CNBD1: variants seen among roughly 807,000 people sequenced by gnomAD.
CNBD1 encodes the protein cyclic nucleotide binding domain containing 1, also known as cyclic nucleotide-binding domain-containing protein 1.
A neutral mutation model predicts 54.4 loss-of-function variants in CNBD1; 71 were observed. The ratio of observed to expected loss-of-function variants is 1.30; its 90% CI spans 1.08 to 1.59. The LOEUF is 1.59. Among genes scored for constraint, CNBD1 ranks in the 40% most tolerant of loss-of-function variants. The probability of loss-of-function intolerance (pLI) is 0.00; values close to 1 mark genes in which losing one functional copy is unlikely to be tolerated. For synonymous variants in CNBD1, 182 were observed against 170.7 expected, an observed-to-expected ratio of 1.07 and a Z score of -0.51; for missense variants, 659 against 518.0, an observed-to-expected ratio of 1.27 and a Z score of -2.64.
intron 4 of CNBD1, among the ~76,000 whole-genome samples, chr8:86,985,263 C>T (rs1367960130): frequency 6.6e-6 from 1 of 152,000 alleles, no homozygotes; most frequent in African/African-American, 2.4e-5. Context: ...GTAAACTGCC[C>T]GGTCTTGGGT....
At position 86,975,433 on chromosome 8, in the gene CNBD1, A is replaced by G. The variant is rs1808319326; in HGVS notation, c.431+35679A>G. On this transcript the variant is annotated intron_variant, in intron 4 of 10. Coordinates refer to ENST00000518476, the MANE Select transcript of CNBD1 (RefSeq NM_173538.3). Reference sequence around the variant, plus strand: ...GTGACCACCATTCTACTGTCTACTTATATGTTTGACTTTTTTAGATTTTGC... The same window carrying G: ...GTGACCACCATTCTACTGTCTACTTGTATGTTTGACTTTTTTAGATTTTGC... Among the ~76,000 whole-genome samples the G allele has an allele frequency of 2.0e-5, 3 of 151,704 alleles. No individual in the cohort carries two copies. In the South Asian group the frequency reaches 6.2e-4, roughly 32 times the overall value.
At chr8:87,072,348 G>A (rs1385376898) in intron 4 of CNBD1, among the ~76,000 whole-genome samples, 1 of 152,092 alleles carries the variant, frequency 6.6e-6, no homozygotes, top group African/African-American at 2.4e-5. Flanking sequence ...CTGTCATCAT[G>A]ATGCTAGCTG....
intron 10 of CNBD1, among the ~76,000 whole-genome samples, chr8:87,373,080 A>T (rs1447183739): frequency 1.3e-5 from 2 of 151,748 alleles, no homozygotes; most frequent in Admixed American, 6.6e-5. Context: ...AAGTATTTGG[A>T]TGGGTGAATT....
At chr8:87,386,743 G>A (rs1292323589), downstream of CNBD1, among the ~76,000 whole-genome samples, 1 of 152,042 alleles carries the variant, frequency 6.6e-6, no homozygotes, top group African/African-American at 2.4e-5. Context: ...TTCAAATTCA[G>A]GAAATACAGA....
intron 5 of CNBD1, among the ~76,000 whole-genome samples, chr8:87,220,706 T>A (rs1814314500): frequency 6.6e-6 from 1 of 152,016 alleles, no homozygotes; most frequent in African/African-American, 2.4e-5. Flanking sequence ...TTATACTTGA[T>A]CAATCTTTTT....
chr8:87,337,164 A>C (rs1196426301), intron 8 of CNBD1, among the ~76,000 whole-genome samples: 1 of 152,066 alleles, frequency 6.6e-6, no homozygotes, highest in Admixed American at 6.6e-5. Flanking sequence ...CTGTTGTGGG[A>C]TCTTACCCAG....
intron 6 of CNBD1, among the ~76,000 whole-genome samples, chr8:87,266,675 C>T (rs1808265722): frequency 6.6e-6 from 1 of 151,798 alleles, no homozygotes; most frequent in Non-Finnish European, 1.5e-5. Context: ...TAGTCTTGAA[C>T]TTCCGACCTC....
chr8:87,115,356 C>T (rs888352103), intron 4 of CNBD1, among the ~76,000 whole-genome samples: 1 of 152,112 alleles, frequency 6.6e-6, no homozygotes, highest in African/African-American at 2.4e-5. Context: ...TATGTCTAAG[C>T]TTGTCTCCAT....
At position 87,261,892 on chromosome 8, in the gene CNBD1, T is replaced by A. The variant is rs183746560; in HGVS notation, c.772-22786T>A. ...CAGGTGCAGTGGCTCACACCTATAATCCCGGCACTTCGGGAGGCTGAGGCA... is the reference window on the plus strand; with the variant it reads ...CAGGTGCAGTGGCTCACACCTATAAACCCGGCACTTCGGGAGGCTGAGGCA... On this transcript the variant is annotated intron_variant, in intron 6 of 10. Coordinates refer to ENST00000518476, the MANE Select transcript of CNBD1 (RefSeq NM_173538.3). Among the ~76,000 whole-genome samples, 3 of 151,164 alleles carry A rather than the reference T, an allele frequency of 2.0e-5. No homozygotes were observed. The Admixed American group carries it at 2.0e-4, about 10-fold the overall frequency.
At chr8:87,270,151 A>C (rs2130857167) in intron 6 of CNBD1, among the ~76,000 whole-genome samples, 1 of 152,112 alleles carries the variant, frequency 6.6e-6, no homozygotes, top group Admixed American at 6.6e-5. Flanking sequence ...AGAATTAATA[A>C]TAAAAACCAC....
intron 4 of CNBD1, among the ~76,000 whole-genome samples, chr8:86,979,725 C>A (rs1386413178): frequency 6.6e-6 from 1 of 151,884 alleles, no homozygotes; most frequent in East Asian, 1.9e-4. Context: ...ATAATATGTC[C>A]CCATATAAGA....
chr8:86,875,016 A>ATATATATG (rs1554626889), intron 1 of CNBD1, among the ~76,000 whole-genome samples: 5 of 138,482 alleles, frequency 3.6e-5, no homozygotes, highest in Non-Finnish European at 7.7e-5. Context: ...ATATATATAT[A>ATATATATG]TATATGTATT....
At chr8:87,348,853 C>T (rs191903039) in intron 8 of CNBD1, among the ~76,000 whole-genome samples, 14 of 152,010 alleles carry the variant, frequency 9.2e-5, no homozygotes, top group South Asian at 2.1e-4. Flanking sequence ...TATTTCTGGG[C>T]GTATGATAAA....
intron 4 of CNBD1, among the ~76,000 whole-genome samples, chr8:87,118,640 G>T (rs1238564994): frequency 6.6e-6 from 1 of 152,114 alleles, no homozygotes. Context: ...TAAGTACCTT[G>T]TTTTTTTGTG....
Position 87,351,725 on chromosome 8 carries a change from T to C in CNBD1, c.1083T>C (p.Tyr361=), listed in dbSNP as rs1810299753. The C allele has an allele frequency of 6.5e-7, 1 of 1,536,526 alleles. No individual in the cohort carries two copies. The highest frequency in any genetic ancestry group is 1.4e-5 in the African/African-American group (1 of 71,394). The part of the protein sequence containing the change: ...ESGNIISFVG[Y]INSGCCNIYR... Reference sequence around the variant, plus strand: ...GAAATATAATTTCTTTTGTGGGTTATATTAACTCTGGATGCTGTAACATTT... The same window carrying C: ...GAAATATAATTTCTTTTGTGGGTTACATTAACTCTGGATGCTGTAACATTT... The change falls in exon 9 of 11, where the codon TAT becomes TAC. Residue 361 remains tyrosine, a synonymous_variant. Coordinates refer to ENST00000518476, the MANE Select transcript of CNBD1 (RefSeq NM_173538.3).
intron 2 of CNBD1, among the ~76,000 whole-genome samples, chr8:87,390,114 C>T (rs1811276999): frequency 6.6e-6 from 1 of 151,318 alleles, no homozygotes; most frequent in Non-Finnish European, 1.5e-5. Flanking sequence ...GGATTAAAGA[C>T]TTAAACGTTA....
chr8:86,869,841 A>C (rs1015986193), intron 1 of CNBD1, among the ~76,000 whole-genome samples: 3 of 152,152 alleles, frequency 2.0e-5, no homozygotes, highest in African/African-American at 7.2e-5. Flanking sequence ...AAGAAAAAAA[A>C]ATTCTTATTT....
At chr8:87,138,812 A>T (rs921314111) in intron 4 of CNBD1, among the ~76,000 whole-genome samples, 1 of 152,214 alleles carries the variant, frequency 6.6e-6, no homozygotes, top group African/African-American at 2.4e-5. Context: ...ATCGTCCAGG[A>T]TTGATCCTGG....
At chr8:87,396,475 G>C (rs1394505221) in intron 2 of CNBD1, among the ~76,000 whole-genome samples, 1 of 151,832 alleles carries the variant, frequency 6.6e-6, no homozygotes, top group Admixed American at 6.6e-5. Flanking sequence ...ATGTATGCCT[G>C]TGTTTCTTAC....
Sources: allele counts gnomAD v4.1 joint callset (sites outside exome capture counted in the v4.1 genomes callset), GRCh38; gene constraint gnomAD v4.1.1; transcripts MANE v1.5; gene names NCBI Gene and HGNC (gene_info 2026-07-23, HGNC 2026-07-21).